The following CDH23 variants were observed in gnomAD, a reference collection of about 807,000 sequenced individuals.
CDH23 encodes the protein cadherin-23.
In CDH23, 189 loss-of-function variants were observed where a neutral mutation model predicts 317.1. The observed-to-expected ratio is 0.60, with a 90% CI of 0.53 to 0.67. CDH23 has a LOEUF of 0.67. Ranked by LOEUF, CDH23 falls within the 30% of genes least tolerant of loss-of-function variation. The probability of loss-of-function intolerance (pLI) is 0.00; values close to 1 mark genes in which losing one functional copy is unlikely to be tolerated. For synonymous variants in CDH23, 1,839 were observed against 1,876.8 expected, an observed-to-expected ratio of 0.98 and a Z score of 0.52; for missense variants, 4,401 against 4,592.4, an observed-to-expected ratio of 0.96 and a Z score of 1.20.
chr10:71,699,322 A>T (rs1177590419), intron 22 of CDH23, among the ~76,000 whole-genome samples: 1 of 152,064 alleles, frequency 6.6e-6, no homozygotes, highest in African/African-American at 2.4e-5. Context: ...ATGGCCCAAG[A>T]CTCTCTCAAG....
rs553778039 is a variant in CDH23, at chr10:71,810,590, G to A, written c.9077+21G>A. 20 of 1,610,628 alleles carry A rather than the reference G, an allele frequency of 1.2e-5. No homozygotes were observed. In the Admixed American group the frequency reaches 1.5e-4, roughly 12 times the overall value. The stretch of plus-strand genomic sequence containing the variant: ...GACCGGTGAGTCGGGGCCTGTGTTT[G>A]GACTGTCAGCCTGTCTGTCTGCCTG... On this transcript the variant is annotated intron_variant, in intron 62 of 69. Coordinates refer to ENST00000224721, the MANE Select transcript of CDH23 (RefSeq NM_022124.6).
intron 3 of CDH23, among the ~76,000 whole-genome samples, chr10:71,452,705 C>T (rs1850508492): frequency 1.3e-5 from 2 of 152,142 alleles, no homozygotes; most frequent in African/African-American, 4.8e-5. Flanking sequence ...ACTTATTAAT[C>T]TTATTAATAT....
chr10:71,680,810 C>CTTTTTTTTTTTTTTTTTT (rs562449159), intron 17 of CDH23, among the ~76,000 whole-genome samples: 3 of 100,560 alleles, frequency 3.0e-5, no homozygotes, highest in Non-Finnish European at 5.5e-5. Context: ...CTCTGTCTTT[C>CTTTTTTTTTTTTTTTTTT]TTTTTTTTTT....
At chr10:71,631,631 C>T (rs1055698598) in intron 11 of CDH23, among the ~76,000 whole-genome samples, 6 of 152,236 alleles carry the variant, frequency 3.9e-5, no homozygotes, top group African/African-American at 1.2e-4. Flanking sequence ...CTAACATTTA[C>T]AGAGCAGGTC....
chr10:71,411,169 C>G (rs913311443), intron 1 of CDH23, among the ~76,000 whole-genome samples: 1 of 152,082 alleles, frequency 6.6e-6, no homozygotes, highest in Non-Finnish European at 1.5e-5. Context: ...TCCATAAAAG[C>G]CCTGCTGAGA....
intron 6 of CDH23, among the ~76,000 whole-genome samples, chr10:71,521,657 G>A (rs1854691543): frequency 6.6e-6 from 1 of 152,198 alleles, no homozygotes; most frequent in African/African-American, 2.4e-5. Flanking sequence ...GGGGAGGTTG[G>A]TCCTTTATCC....
At chr10:71,682,613 G>C in intron 18 of CDH23, 41 bp downstream of exon 18, 3 of 1,605,954 alleles carry the variant, frequency 1.9e-6, no homozygotes, top group Non-Finnish European at 2.6e-6. Flanking sequence ...GCTAGTGTAA[G>C]GGATGGTGAG....
rs749652117 is a variant in CDH23 at position 71,677,494 on chromosome 10, T to C, written c.1553T>C (p.Ile518Thr). ...AAGGACACGGGACTCATCATGCTGA[T>C]TGCCAGGCTGGACTATGAGCTCATC... ...LDKDTGLIML[I>T]ARLDYELIQR... is the part of the protein sequence containing the mutation. The change falls in exon 16 of 70, where the codon ATT becomes ACT. Residue 518 changes from isoleucine (I) to threonine (T), a missense_variant. Transcript: ENST00000224721. The C allele has an allele frequency of 6.2e-7, 1 of 1,611,842 alleles. No homozygotes were observed. Among genetic ancestry groups the C allele is most frequent in the Non-Finnish European group, 8.5e-7 (1 of 1,179,266 alleles).
intron 52 of CDH23, 37 bp from the exon 53 acceptor site, chr10:71,800,599 A>C: frequency 6.2e-7 from 1 of 1,604,814 alleles, no homozygotes; most frequent in Non-Finnish European, 8.5e-7. Context: ...TATCTTTTGA[A>C]TGATTGAAGG....
intron 6 of CDH23, among the ~76,000 whole-genome samples, chr10:71,546,276 CT>C (rs1856275499): frequency 6.6e-6 from 1 of 152,208 alleles, no homozygotes; most frequent in Non-Finnish European, 1.5e-5. Flanking sequence ...ACCTTTAGAG[CT>C]TGTGGAGACA....
intron 38 of CDH23, among the ~76,000 whole-genome samples, chr10:71,745,356 C>T (rs1564771389): frequency 6.6e-6 from 1 of 152,176 alleles, no homozygotes. Context: ...GGCTGAAGAG[C>T]AAGCAATAAT....
chr10:71,465,221 T>A (rs2132071239), intron 3 of CDH23, among the ~76,000 whole-genome samples: 1 of 152,360 alleles, frequency 6.6e-6, no homozygotes, highest in East Asian at 1.9e-4. Flanking sequence ...ATAGAAAGTG[T>A]TTCCATAATG....
chr10:71,706,722 G>A (rs929329441), intron 25 of CDH23, among the ~76,000 whole-genome samples, 175 bp from the exon 26 acceptor site: 1 of 152,206 alleles, frequency 6.6e-6, no homozygotes, highest in African/African-American at 2.4e-5. Flanking sequence ...GGCCCCGGTG[G>A]GCATGGGGGG....
chr10:71,429,416 G>A (rs560876792), intron 1 of CDH23, among the ~76,000 whole-genome samples: 30 of 152,314 alleles, frequency 2.0e-4, no homozygotes, highest in African/African-American at 7.0e-4. Flanking sequence ...TGTGGAGCTT[G>A]GGCAAAGTGA....
chr10:71,533,114 T>A (rs10999869), intron 6 of CDH23, among the ~76,000 whole-genome samples: 2 of 152,084 alleles, frequency 1.3e-5, no homozygotes, highest in Non-Finnish European at 2.9e-5. Flanking sequence ...TGGCCTCTGC[T>A]GGGTGGGACT....
At chr10:71,669,214 A>G (rs1626932) in intron 14 of CDH23, among the ~76,000 whole-genome samples, 103,946 of 151,950 alleles carry the variant, frequency 0.68, 36,099 homozygotes, top group East Asian at 0.82. Flanking sequence ...GGTGCCAGCA[A>G]GTGCCCACCT....
chr10:71,600,127 C>T (rs190238902), intron 9 of CDH23, among the ~76,000 whole-genome samples: 12 of 151,082 alleles, frequency 7.9e-5, no homozygotes, highest in African/African-American at 2.2e-4. Context: ...CTCAGCCTCC[C>T]GAGCAGCTAA....
intron 47 of CDH23, 132 bp downstream of exon 47, chr10:71,791,467 C>T: frequency 1.4e-6 from 1 of 728,142 alleles, no homozygotes; most frequent in South Asian, 1.7e-5. Context: ...GAGTGTAGAA[C>T]ACACTGGAGA....
intron 11 of CDH23, among the ~76,000 whole-genome samples, chr10:71,640,793 G>T (rs1288501651): frequency 6.6e-6 from 1 of 152,122 alleles, no homozygotes; most frequent in Non-Finnish European, 1.5e-5. Context: ...ACGGTGCTGG[G>T]CCCAATCCCC....
Sources: gnomAD v4.1 joint callset for allele counts (sites outside exome capture counted in the v4.1 genomes callset) on GRCh38, gnomAD v4.1.1 for gene constraint, MANE v1.5 for transcripts, NCBI Gene and HGNC (gene_info 2026-07-23, HGNC 2026-07-21) for gene names.